ADH7: variants seen among roughly 807,000 people sequenced by gnomAD.
ADH7 encodes the protein alcohol dehydrogenase 7 (class IV), mu or sigma polypeptide.
In ADH7, 41 loss-of-function variants were observed where a neutral mutation model predicts 34.4. That is an observed-to-expected ratio of 1.19 (90% CI 0.93 to 1.55). The LOEUF is 1.55. ADH7 is among the 40% of genes most tolerant of loss of function. ADH7 has a pLI of 0.00. For synonymous variants in ADH7, 180 were observed against 160.9 expected, an observed-to-expected ratio of 1.12 and a Z score of -0.90; for missense variants, 540 against 461.2, an observed-to-expected ratio of 1.17 and a Z score of -1.56.
At chr4:99,414,384 G>A (rs778421154) in intron 8 of ADH7, among the ~76,000 whole-genome samples, 12 of 152,056 alleles carry the variant, frequency 7.9e-5, no homozygotes, top group Non-Finnish European at 1.0e-4. Flanking sequence ...TGAAATCCAC[G>A]TCCTTGGCAC....
chr4:99,435,107 C>T lies in ADH7; in HGVS notation c.18+109G>A, dbSNP rs543113906. On this transcript the variant is annotated intron_variant, in intron 1 of 8. Transcript: ENST00000437033. ...TGCCTGCTCACCAAGCATTTCATTC[C>T]TCAAGGAATATCTCCAAGTGTTTAA... 6 of 1,552,038 alleles carry T rather than the reference C, an allele frequency of 3.9e-6. No homozygotes were observed. In the Admixed American group the frequency reaches 9.8e-5, roughly 25 times the overall value.
At chr4:99,429,056 A>G (rs1342377699) in intron 2 of ADH7, among the ~76,000 whole-genome samples, 2 of 152,206 alleles carry the variant, frequency 1.3e-5, no homozygotes. Context: ...AAGAGGGTCA[A>G]AGAAAGATTG....
intron 5 of ADH7, 58 bp downstream of exon 5, chr4:99,427,715 G>A (rs12504511): frequency 0.024 from 29,643 of 1,228,552 alleles, 1,033 homozygotes; most frequent in African/African-American, 0.13. Flanking sequence ...AAGATTCCAA[G>A]CAAATCATTT....
chr4:99,432,822 C>T (rs1367032993), intron 1 of ADH7: 4 of 152,032 alleles, frequency 2.6e-5, no homozygotes, highest in Admixed American at 2.0e-4. Context: ...CAATTCTGTG[C>T]CTATCAAGTC....
chr4:99,419,003 T>G lies in ADH7; in HGVS notation c.944A>C (p.Lys315Thr). 1 of 1,613,784 alleles carries G rather than the reference T, an allele frequency of 6.2e-7. No individual in the cohort carries two copies. Among genetic ancestry groups the G allele is most frequent in the Non-Finnish European group, 8.5e-7 (1 of 1,179,806 alleles). ...TTCCTGACCTCCAAAGACACATCCC[T>G]TCCATGTGCGTCCAGTGAAGAGCAA... ...PMLLFTGRTWKGCVFGGLKSR... is the reference protein window; with the variant it reads ...PMLLFTGRTWTGCVFGGLKSR... Residue 315 changes from lysine (K) to threonine (T), a missense_variant, in exon 7 of 9, where the codon AAG becomes ACG. Lys to Thr is a moderately conservative substitution (Grantham distance 78, BLOSUM62 -1). Transcript: ENST00000437033.
intron 1 of ADH7, 48 bp from the exon 2 acceptor site, chr4:99,429,681 T>G: frequency 7.5e-7 from 1 of 1,333,042 alleles, no homozygotes; most frequent in Non-Finnish European, 1.1e-6. Context: ...TGCCTTTAAC[T>G]TACAGACTCC....
intron 5 of ADH7, among the ~76,000 whole-genome samples, chr4:99,425,651 C>T (rs963098487): frequency 1.8e-4 from 28 of 152,122 alleles, no homozygotes; most frequent in Non-Finnish European, 3.4e-4. Context: ...GACAGATCAA[C>T]GAGACAGAAA....
At chr4:99,418,076 T>C (rs1314094140) in intron 7 of ADH7, among the ~76,000 whole-genome samples, 1 of 152,196 alleles carries the variant, frequency 6.6e-6, no homozygotes, top group African/African-American at 2.4e-5. Flanking sequence ...TTATTATTCA[T>C]TAAGTAGCTT....
At chr4:99,415,369 A>T in intron 8 of ADH7, 109 bp downstream of exon 8, 1 of 1,162,294 alleles carries the variant, frequency 8.6e-7, no homozygotes, top group Non-Finnish European at 1.3e-6. Context: ...CAATCTGGCT[A>T]GATTAAATAA....
Position 99,423,828 on chromosome 4 carries a change from T to A in ADH7, c.565-3035A>T, listed in dbSNP as rs2110136949. Among the ~76,000 whole-genome samples, 3 of 152,338 alleles carry A rather than the reference T, an allele frequency of 2.0e-5. No homozygotes were observed. In the Middle Eastern group the frequency reaches 0.01, roughly 518 times the overall value. The stretch of plus-strand genomic sequence containing the variant: ...AAAAATTTTCCCCCATTTTATAGGT[T>A]GTCTGTTCACTCTGATGGTAGTTTC... On this transcript the variant is annotated intron_variant, in intron 5 of 8. Transcript: ENST00000437033.
At chr4:99,435,188 G>A in intron 1 of ADH7, 28 bp downstream of exon 1, 1 of 1,610,570 alleles carries the variant, frequency 6.2e-7, no homozygotes, top group Non-Finnish European at 8.5e-7. Flanking sequence ...AGGTCATGAT[G>A]AGGAGGGGAC....
At chr4:99,416,116 G>C (rs1037914700) in intron 7 of ADH7, among the ~76,000 whole-genome samples, 1 of 151,996 alleles carries the variant, frequency 6.6e-6, no homozygotes, top group Admixed American at 6.6e-5. Context: ...TTCTGCACAT[G>C]TATCCCAGAA....
At chr4:99,420,471 AT>A in intron 6 of ADH7, 61 bp downstream of exon 6, 3 of 1,519,710 alleles carry the variant, frequency 2.0e-6, no homozygotes, top group Non-Finnish European at 2.7e-6. Context: ...AGACAATTAA[AT>A]TTACCTTGTG....
intron 5 of ADH7, among the ~76,000 whole-genome samples, chr4:99,424,721 A>T (rs1189343208): frequency 1.3e-5 from 2 of 152,016 alleles, no homozygotes; most frequent in Non-Finnish European, 2.9e-5. Flanking sequence ...TTGTACATTG[A>T]TTTTGTGTCC....
intron 5 of ADH7, 33 bp downstream of exon 5, chr4:99,427,740 A>G (rs755932438): frequency 7.3e-7 from 1 of 1,362,116 alleles, no homozygotes; most frequent in South Asian, 2.1e-5. Flanking sequence ...AAAGGAAAGA[A>G]GAACAAATAA....
At chr4:99,428,345 T>C in intron 3 of ADH7, 147 bp downstream of exon 3, 1 of 1,241,854 alleles carries the variant, frequency 8.1e-7, no homozygotes, top group Non-Finnish European at 1.1e-6. Flanking sequence ...AAATTAAACA[T>C]TACTCAGTAA....
intron 6 of ADH7, among the ~76,000 whole-genome samples, chr4:99,420,231 A>C (rs979971110): frequency 6.6e-6 from 1 of 152,194 alleles, no homozygotes; most frequent in Non-Finnish European, 1.5e-5. Context: ...TTCGCCAAGA[A>C]ATCTACATAT....
intron 8 of ADH7, among the ~76,000 whole-genome samples, chr4:99,413,730 A>G (rs1449320098): frequency 6.6e-6 from 1 of 152,226 alleles, no homozygotes; most frequent in Non-Finnish European, 1.5e-5. Context: ...TGGAAAACCT[A>G]TTATCTCACT....
chr4:99,415,483 T>C lies in ADH7; in HGVS notation c.1095A>G (p.Gly365=). The C allele has an allele frequency of 6.2e-7, 1 of 1,612,146 alleles. No individual in the cohort carries two copies. The highest frequency in any genetic ancestry group is 1.1e-5 in the South Asian group (1 of 90,578). ...TCATCATAAGAAACAGTTACCTTTGTCCTGAATTGAGCAGCTCAAATCCTT... is the reference window on the plus strand; with the variant it reads ...TCATCATAAGAAACAGTTACCTTTGCCCTGAATTGAGCAGCTCAAATCCTT... ...ISEGFELLNS[G]QSIRTVLTF is the part of the protein sequence containing the mutation. Residue 365 remains glycine, a synonymous_variant, in exon 8 of 9, where the codon GGA becomes GGG. Coordinates refer to ENST00000437033, the MANE Select transcript of ADH7 (RefSeq NM_000673.7).
Sources: allele counts gnomAD v4.1 joint callset (sites outside exome capture counted in the v4.1 genomes callset), GRCh38; gene constraint gnomAD v4.1.1; transcripts MANE v1.5; gene names NCBI Gene and HGNC (gene_info 2026-07-23, HGNC 2026-07-21).